Variants in EXOC2 observed in about 807,000 individuals in gnomAD.
EXOC2 encodes the protein SEC5-like 1.
EXOC2 carries 70 observed loss-of-function variants against 131.8 expected under a neutral mutation model. The ratio of observed to expected loss-of-function variants is 0.53; its 90% CI spans 0.44 to 0.65. The LOEUF is 0.65. Ranked by LOEUF, EXOC2 falls within the 30% of genes least tolerant of loss-of-function variation. The pLI is 0.00. For synonymous variants in EXOC2, 411 were observed against 398.4 expected, an observed-to-expected ratio of 1.03 and a Z score of -0.38; for missense variants, 923 against 1,108.6, an observed-to-expected ratio of 0.83 and a Z score of 2.38.
intron 4 of EXOC2, among the ~76,000 whole-genome samples, chr6:626,835 C>T (rs55771940): frequency 0.11 from 17,385 of 152,080 alleles, 1,195 homozygotes; most frequent in East Asian, 0.17. Flanking sequence ...TCAAGTGATC[C>T]GCCCGCCTCG....
intron 23 of EXOC2, among the ~76,000 whole-genome samples, chr6:531,786 C>T (rs1375289468): frequency 6.6e-6 from 1 of 152,230 alleles, no homozygotes; most frequent in Non-Finnish European, 1.5e-5. Flanking sequence ...ACATAAACTA[C>T]TTCTCTACAA....
At chr6:569,476 A>G (rs1342386286) in intron 13 of EXOC2, among the ~76,000 whole-genome samples, 1 of 152,268 alleles carries the variant, frequency 6.6e-6, no homozygotes, top group African/African-American at 2.4e-5. Flanking sequence ...TATAACAAGA[A>G]AAATAAGAAA....
chr6:634,492 C>A (rs1762006109), intron 2 of EXOC2, among the ~76,000 whole-genome samples: 1 of 152,184 alleles, frequency 6.6e-6, no homozygotes, highest in Non-Finnish European at 1.5e-5. Flanking sequence ...AGAAATATAT[C>A]ACCTAATGCC....
chr6:624,951 C>T (rs1761480148), intron 4 of EXOC2, among the ~76,000 whole-genome samples: 1 of 152,190 alleles, frequency 6.6e-6, no homozygotes, highest in African/African-American at 2.4e-5. Flanking sequence ...TTTAAATCCA[C>T]TAGCACAGAG....
intron 22 of EXOC2, among the ~76,000 whole-genome samples, chr6:542,201 G>A (rs950995941): frequency 5.3e-5 from 8 of 152,210 alleles, no homozygotes; most frequent in Admixed American, 4.6e-4. Flanking sequence ...GCTTGGTGGT[G>A]TGGGAGCACC....
chr6:553,400 T>TGTGG (rs1757253685), intron 21 of EXOC2, among the ~76,000 whole-genome samples: 1 of 150,732 alleles, frequency 6.6e-6, no homozygotes, highest in Admixed American at 6.6e-5. Context: ...AGTGTGTGTG[T>TGTGG]GTGTGTGTGT....
chr6:535,062 A>AT (rs1259680412), intron 22 of EXOC2, among the ~76,000 whole-genome samples: 2 of 152,210 alleles, frequency 1.3e-5, no homozygotes, highest in African/African-American at 4.8e-5. Flanking sequence ...CACTGCTCTA[A>AT]TTTTCTGCCC....
chr6:693,131 C>G lies in EXOC2; in HGVS notation c.-156G>C, dbSNP rs925288762. ...CCTCACTTCCGCCCGCCGCGAGCGC[C>G]GAGCGTGTAGATCCGCCTGGCAGTC... On this transcript the variant is annotated 5_prime_UTR_variant, in exon 1 of 28. Coordinates refer to ENST00000230449, the MANE Select transcript of EXOC2 (RefSeq NM_018303.6). The G allele has an allele frequency of 4.6e-5, 7 of 152,522 alleles. No homozygotes were observed. Among genetic ancestry groups the G allele is most frequent in the African/African-American group, 4.8e-5 (2 of 41,592 alleles). 9.4% of individuals were successfully genotyped at this position (152,522 alleles called of 1,614,324 possible).
intron 1 of EXOC2, among the ~76,000 whole-genome samples, chr6:664,807 T>G (rs967692267): frequency 6.6e-6 from 1 of 152,230 alleles, no homozygotes; most frequent in Non-Finnish European, 1.5e-5. Flanking sequence ...ATTAAGGACT[T>G]AAACCTAAGA....
chr6:522,605 T>G (rs530858374), intron 23 of EXOC2, among the ~76,000 whole-genome samples: 1 of 146,670 alleles, frequency 6.8e-6, no homozygotes, highest in Non-Finnish European at 1.5e-5. Flanking sequence ...TGAACTGGGC[T>G]GGGCTCAGGT....
chr6:591,710 C>T (rs971557873), intron 11 of EXOC2, among the ~76,000 whole-genome samples: 2 of 152,214 alleles, frequency 1.3e-5, no homozygotes, highest in Non-Finnish European at 2.9e-5. Flanking sequence ...GTCTGTTGTC[C>T]TGACTACTGT....
intron 24 of EXOC2, 127 bp from the exon 25 acceptor site, chr6:497,616 C>A: frequency 8.2e-7 from 1 of 1,219,120 alleles, no homozygotes; most frequent in Non-Finnish European, 1.1e-6. Context: ...TTTAAAAGGC[C>A]AAAATTATAA....
At chr6:503,666 T>TA (rs1239755067) in intron 23 of EXOC2, among the ~76,000 whole-genome samples, 2 of 152,198 alleles carry the variant, frequency 1.3e-5, no homozygotes, top group African/African-American at 4.8e-5. Flanking sequence ...GTGAAGTCCT[T>TA]AAACGGTTAA....
intron 1 of EXOC2, among the ~76,000 whole-genome samples, chr6:665,151 T>C (rs139294700): frequency 3.3e-5 from 5 of 152,122 alleles, no homozygotes; most frequent in Admixed American, 6.5e-5. Context: ...CAAAAGAAGA[T>C]ATACAAATGG....
chr6:533,123 A>G (rs1766197833), intron 22 of EXOC2, among the ~76,000 whole-genome samples: 2 of 152,320 alleles, frequency 1.3e-5, no homozygotes, highest in East Asian at 3.9e-4. Context: ...CTACGATTCA[A>G]TGACCTCCAC....
chr6:587,197 T>A (rs1480099352), intron 11 of EXOC2, among the ~76,000 whole-genome samples: 1 of 151,974 alleles, frequency 6.6e-6, no homozygotes, highest in Non-Finnish European at 1.5e-5. Context: ...CACGCACACA[T>A]ACACAAACAT....
At chr6:577,022 A>C in intron 11 of EXOC2, 140 bp from the exon 12 acceptor site, 1 of 730,482 alleles carries the variant, frequency 1.4e-6, no homozygotes, top group Admixed American at 3.9e-5. Flanking sequence ...TAAATAAAAT[A>C]AAAAGTATTT....
At chr6:529,816 G>T (rs530311833) in intron 23 of EXOC2, among the ~76,000 whole-genome samples, 1 of 152,300 alleles carries the variant, frequency 6.6e-6, no homozygotes, top group East Asian at 1.9e-4. Context: ...AGATAGAATT[G>T]CTGATGTGTT....
intron 7 of EXOC2, among the ~76,000 whole-genome samples, chr6:606,627 A>T (rs779862406): frequency 1.3e-5 from 2 of 152,146 alleles, no homozygotes; most frequent in Admixed American, 6.5e-5. Context: ...TCAACTTCTG[A>T]TATTTTTTCC....
Sources: gnomAD v4.1 joint callset for allele counts (sites outside exome capture counted in the v4.1 genomes callset) on GRCh38, gnomAD v4.1.1 for gene constraint, MANE v1.5 for transcripts, NCBI Gene and HGNC (gene_info 2026-07-23, HGNC 2026-07-21) for gene names.